Variants in GOLGA4 observed in about 807,000 individuals in gnomAD.
GOLGA4 encodes the protein golgin subfamily A member 4.
In GOLGA4, 169 loss-of-function variants were observed where a neutral mutation model predicts 265.9. The observed-to-expected ratio is 0.64, with a 90% CI of 0.56 to 0.72. The LOEUF (loss-of-function observed/expected upper bound fraction) is 0.72, where lower values mean the gene tolerates loss of function less well. Ranked by LOEUF, GOLGA4 falls within the 30% of genes least tolerant of loss-of-function variation. The probability of loss-of-function intolerance (pLI) is 0.00; values close to 1 mark genes in which losing one functional copy is unlikely to be tolerated. For missense variants in GOLGA4, 2,482 were observed against 2,483.4 expected (o/e 1.00, Z 0.01); for synonymous variants, 923 against 855.8 (o/e 1.08, Z -1.37).
At chr3:37,265,117 TTGTGTGTGTGTG>T (rs35252934) in intron 2 of GOLGA4, among the ~76,000 whole-genome samples, 15 of 147,550 alleles carry the variant, frequency 1.0e-4, no homozygotes, top group Admixed American at 6.8e-4. Context: ...CATGCTCATA[TTGTGTGTGTGTG>T]TGTGTGTGTG....
intron 18 of GOLGA4, 64 bp from the exon 19 acceptor site, chr3:37,337,602 A>C: frequency 1.8e-6 from 2 of 1,086,762 alleles, no homozygotes; most frequent in Non-Finnish European, 2.9e-6. Context: ...CAAGCAGTGC[A>C]GAAATGTGTC....
At chr3:37,298,084 T>C (rs76231825) in intron 7 of GOLGA4, among the ~76,000 whole-genome samples, 5,841 of 151,786 alleles carry the variant, frequency 0.038, 143 homozygotes, top group African/African-American at 0.056. Context: ...CCTGGAAGTG[T>C]CCTTATATTT....
chr3:37,267,527 T>G (rs904011085), intron 2 of GOLGA4, among the ~76,000 whole-genome samples: 2 of 152,244 alleles, frequency 1.3e-5, no homozygotes. Flanking sequence ...TAATTTCATT[T>G]TGGGAAAGTG....
intron 23 of GOLGA4, among the ~76,000 whole-genome samples, chr3:37,364,762 A>ATTT (rs1354835819): frequency 2.7e-5 from 4 of 150,032 alleles, no homozygotes; most frequent in Non-Finnish European, 5.9e-5. Flanking sequence ...ATTTTTTTTA[A>ATTT]AAAAAAGTTT....
chr3:37,352,550 T>C (rs991943689), intron 21 of GOLGA4, among the ~76,000 whole-genome samples: 1 of 152,024 alleles, frequency 6.6e-6, no homozygotes, highest in Non-Finnish European at 1.5e-5. Flanking sequence ...TACCTTGCAA[T>C]TTTATGATAT....
Position 37,328,454 on chromosome 3 carries a change from C to T in GOLGA4, c.5978C>T (p.Thr1993Ile). 1.2e-6 allele frequency: 2 copies of T among 1,612,862 alleles called. No individual in the cohort carries two copies. The highest frequency in any genetic ancestry group is 1.3e-5 in the African/African-American group (1 of 74,998). ...GATCTTGAACTGAAGCACAATTCCA[C>T]ATTAAAACAGCTGATGAGGGAGTTT... ...QEDLELKHNS[T>I]LKQLMREFNT... The change falls in exon 15 of 24, where the codon ACA becomes ATA. Residue 1993 changes from threonine (T) to isoleucine (I), a missense_variant. Transcript: ENST00000361924.
At position 37,282,088 on chromosome 3, in the gene GOLGA4, C is replaced by T. The variant is rs1342153987; in HGVS notation, c.293C>T (p.Ser98Phe). 16 of 1,614,154 alleles carry T rather than the reference C, an allele frequency of 9.9e-6. No individual in the cohort carries two copies. Among genetic ancestry groups the T allele is most frequent in the Non-Finnish European group, 1.4e-5 (16 of 1,179,992 alleles). The stretch of plus-strand genomic sequence containing the variant: ...AAAGAGTCTTTGGTACGAACATCTT[C>T]CAGAGAATCCCTGAATCGACTTGAC... The part of the protein sequence containing the change: ...SSKESLVRTS[S>F]RESLNRLDLD... Residue 98 changes from serine to phenylalanine, a missense_variant, in exon 3 of 24, where the codon TCC becomes TTC. Physicochemically the swap from Ser to Phe is radical, Grantham distance 155. Around this residue, in one of 3 missense-constraint regions of GOLGA4, gnomAD observed 1,536 missense variants for 1,483.7 expected, o/e 1.04. Transcript: ENST00000361924.
intron 21 of GOLGA4, among the ~76,000 whole-genome samples, chr3:37,352,910 T>C (rs1412342878): frequency 1.3e-5 from 2 of 152,106 alleles, no homozygotes; most frequent in African/African-American, 4.8e-5. Context: ...TCAAAATGCC[T>C]TTCTCACTAA....
intron 1 of GOLGA4, among the ~76,000 whole-genome samples, chr3:37,244,379 C>T (rs556821735): frequency 1.3e-5 from 2 of 152,178 alleles, no homozygotes; most frequent in Non-Finnish European, 2.9e-5. Context: ...TTCAGGAATG[C>T]TGTTGCTTTA....
In GOLGA4 at chr3:37,317,370, A is replaced by G. The variant is rs186915967; in HGVS notation, c.1414-1693A>G. On this transcript the variant is annotated intron_variant, in intron 11 of 23. Transcript: ENST00000361924. Reference sequence around the variant, plus strand: ...TTTTTAGTAGAGATGGGGTTTCTCCATGTTGGCCAGGCTGGTCTTGAACTC... The same window carrying G: ...TTTTTAGTAGAGATGGGGTTTCTCCGTGTTGGCCAGGCTGGTCTTGAACTC... Among the ~76,000 whole-genome samples the G allele has an allele frequency of 3.4e-3, 521 of 152,138 alleles. 4 individuals are homozygous for G. The highest frequency in any genetic ancestry group is 0.012 in the African/African-American group (508 of 41,506).
At chr3:37,249,115 A>T (rs1460173044) in intron 1 of GOLGA4, among the ~76,000 whole-genome samples, 1 of 152,208 alleles carries the variant, frequency 6.6e-6, no homozygotes. Flanking sequence ...AGGCACCTAC[A>T]GCCTTTGAAG....
At chr3:37,313,672 G>A (rs1372815721) in intron 10 of GOLGA4, among the ~76,000 whole-genome samples, 1 of 152,088 alleles carries the variant, frequency 6.6e-6, no homozygotes, top group African/African-American at 2.4e-5. Context: ...TGCAAATAAT[G>A]CATGTGTGTG....
intron 4 of GOLGA4, among the ~76,000 whole-genome samples, chr3:37,288,804 T>C (rs1321510882): frequency 1.3e-5 from 2 of 152,158 alleles, no homozygotes; most frequent in East Asian, 3.8e-4. Context: ...ATATAGACAA[T>C]TATTTTGTTT....
chr3:37,307,186 A>C (rs1407234386), intron 10 of GOLGA4, among the ~76,000 whole-genome samples: 1 of 152,210 alleles, frequency 6.6e-6, no homozygotes, highest in Non-Finnish European at 1.5e-5. Flanking sequence ...TGGCATTTAA[A>C]AACTTGGACT....
rs748990519 is a variant in GOLGA4, at chr3:37,319,205, AT to A, written c.1545+22del. On this transcript the variant is annotated intron_variant, in intron 12 of 23. Coordinates refer to ENST00000361924, the MANE Select transcript of GOLGA4 (RefSeq NM_002078.5). ...ATGAAAGTAGCTCTTGTAAGTGACT[AT>A]TTTTTTTTTTCTGCTATAGGTATAC... The A allele has an allele frequency of 0.018, 21,750 of 1,213,664 alleles. No homozygotes were observed. The highest frequency in any genetic ancestry group is 0.029 in the South Asian group (1,747 of 60,444). The allele number at this position is 1,213,664 out of a possible 1,614,324, so 75.2% of individuals were successfully genotyped here.
Position 37,343,394 on chromosome 3 carries a change from T to G in GOLGA4, c.6472+3195T>G, listed in dbSNP as rs1407661126. 2.6e-5 allele frequency among the ~76,000 whole-genome samples: 4 copies of G among 152,102 alleles called. No individual in the cohort carries two copies. The East Asian group carries it at 7.7e-4, about 29-fold the overall frequency. ...CCTCGGCCTCCCAAAGTGCTGGGAT[T>G]ACAGACGTGAGCCACCGTGCCCAGC... On this transcript the variant is annotated intron_variant, in intron 20 of 23. Coordinates refer to ENST00000361924, the MANE Select transcript of GOLGA4 (RefSeq NM_002078.5).
At chr3:37,266,340 C>G (rs2096783669) in intron 2 of GOLGA4, among the ~76,000 whole-genome samples, 1 of 152,074 alleles carries the variant, frequency 6.6e-6, no homozygotes, top group Admixed American at 6.6e-5. Context: ...GCTGGGACTA[C>G]AGGTGCGCAC....
chr3:37,330,131 A>G (rs1205271613), intron 16 of GOLGA4, among the ~76,000 whole-genome samples: 1 of 152,156 alleles, frequency 6.6e-6, no homozygotes, highest in Non-Finnish European at 1.5e-5. Flanking sequence ...AATGAAAAAA[A>G]AAAAGTATTA....
intron 23 of GOLGA4, among the ~76,000 whole-genome samples, 175 bp downstream of exon 23, chr3:37,361,480 A>G (rs1264167148): frequency 6.6e-6 from 1 of 152,230 alleles, no homozygotes; most frequent in Non-Finnish European, 1.5e-5. Context: ...GTTAAAAATT[A>G]CTACCACCAG....
Sources: gnomAD v4.1 joint callset for allele counts (sites outside exome capture counted in the v4.1 genomes callset) on GRCh38, gnomAD v4.1.1 for gene constraint, gnomAD v4.1.1 regional missense constraint, MANE v1.5 for transcripts, NCBI Gene and HGNC (gene_info 2026-07-23, HGNC 2026-07-21) for gene names.